GLG1: variants seen among roughly 807,000 people sequenced by gnomAD.
GLG1 encodes the protein golgi glycoprotein 1.
Under a neutral mutation model 160.5 loss-of-function variants are expected in GLG1, and 38 were observed. The observed-to-expected ratio is 0.24, with a 90% CI of 0.18 to 0.31. The LOEUF (loss-of-function observed/expected upper bound fraction) is 0.31, where lower values mean the gene tolerates loss of function less well. GLG1 is among the 10% of genes least tolerant of loss of function. The pLI is 1.00. For synonymous variants in GLG1, 644 were observed against 543.4 expected, an observed-to-expected ratio of 1.19 and a Z score of -2.57; for missense variants, 1,373 against 1,505.2, an observed-to-expected ratio of 0.91 and a Z score of 1.45.
intron 1 of GLG1, among the ~76,000 whole-genome samples, chr16:74,535,956 T>G (rs2017676005): frequency 6.6e-6 from 1 of 152,112 alleles, no homozygotes; most frequent in Non-Finnish European, 1.5e-5. Flanking sequence ...GAACGAAATA[T>G]AAAATACAAA....
At chr16:74,516,840 A>C (rs2016994856) in intron 2 of GLG1, among the ~76,000 whole-genome samples, 1 of 152,224 alleles carries the variant, frequency 6.6e-6, no homozygotes, top group South Asian at 2.1e-4. Context: ...ACAAGAATCA[A>C]ATAGACACAA....
intron 9 of GLG1, 67 bp from the exon 10 acceptor site, chr16:74,483,191 T>C: frequency 2.2e-6 from 2 of 908,398 alleles, no homozygotes; most frequent in Admixed American, 3.9e-5. Flanking sequence ...AATATAGTAT[T>C]TCCCTGGTCT....
intron 6 of GLG1, among the ~76,000 whole-genome samples, 160 bp from the exon 7 acceptor site, chr16:74,493,300 G>C (rs533985837): frequency 1.3e-5 from 2 of 152,290 alleles, no homozygotes; most frequent in Non-Finnish European, 2.9e-5. Context: ...GTTCACAATT[G>C]AGCTAAACTA....
At chr16:74,509,180 T>C (rs1366771726) in intron 2 of GLG1, among the ~76,000 whole-genome samples, 1 of 146,802 alleles carries the variant, frequency 6.8e-6, no homozygotes, top group African/African-American at 2.5e-5. Context: ...TTTTTTTTTT[T>C]TTTTTTTTTG....
At chr16:74,597,363 T>G (rs8050615) in intron 1 of GLG1, among the ~76,000 whole-genome samples, 5 of 148,576 alleles carry the variant, frequency 3.4e-5, no homozygotes, top group South Asian at 2.1e-4. Flanking sequence ...CCAGGGAGGC[T>G]GAGGTTGCAG....
At chr16:74,523,983 T>C (rs964726945) in intron 2 of GLG1, among the ~76,000 whole-genome samples, 14 of 152,080 alleles carry the variant, frequency 9.2e-5, no homozygotes, top group Admixed American at 8.5e-4. Context: ...GAGGCTGAGG[T>C]GGGCACATCA....
At chr16:74,563,388 G>A (rs889600006) in intron 1 of GLG1, 1 of 152,192 alleles carries the variant, frequency 6.6e-6, no homozygotes, top group East Asian at 1.9e-4. Context: ...TTCATTGTTA[G>A]GTCACTTTTT....
At chr16:74,497,115 C>T (rs1013823235) in intron 4 of GLG1, among the ~76,000 whole-genome samples, 3 of 151,680 alleles carry the variant, frequency 2.0e-5, no homozygotes, top group East Asian at 1.9e-4. Context: ...CCCATCTGTA[C>T]TAAAAATACT....
At chr16:74,606,463 C>T (rs1043498365) in intron 1 of GLG1, among the ~76,000 whole-genome samples, 194 bp downstream of exon 1, 1 of 152,018 alleles carries the variant, frequency 6.6e-6, no homozygotes, top group South Asian at 2.1e-4. Context: ...GAAATAAGGG[C>T]GGGGGAAAGA....
intron 1 of GLG1, among the ~76,000 whole-genome samples, chr16:74,600,911 CACA>C (rs1219836576): frequency 1.3e-5 from 2 of 152,080 alleles, no homozygotes; most frequent in African/African-American, 4.8e-5. Flanking sequence ...GCTTCTCGAT[CACA>C]ACAATCTCAC....
chr16:74,491,359 G>T, intron 7 of GLG1, 144 bp from the exon 8 acceptor site: 1 of 662,492 alleles, frequency 1.5e-6, no homozygotes, highest in Non-Finnish European at 2.6e-6. Context: ...TTTAGAATTA[G>T]CAAAAGCTTT....
intron 1 of GLG1, among the ~76,000 whole-genome samples, chr16:74,536,995 C>G (rs2017704426): frequency 1.3e-5 from 2 of 152,128 alleles, no homozygotes; most frequent in Admixed American, 6.5e-5. Flanking sequence ...GGATCTCTTA[C>G]ATCAAGTATT....
At chr16:74,547,169 TAGAGGTAGTGCCTC>T (rs1240241652) in intron 1 of GLG1, among the ~76,000 whole-genome samples, 1 of 151,688 alleles carries the variant, frequency 6.6e-6, no homozygotes. Flanking sequence ...AAGGGGGATG[TAGAGGTAGTGCCTC>T]AATTAAACAA....
intron 23 of GLG1, among the ~76,000 whole-genome samples, 166 bp downstream of exon 23, chr16:74,459,515 CA>C (rs1451787224): frequency 2.0e-5 from 3 of 151,250 alleles, no homozygotes; most frequent in Non-Finnish European, 4.4e-5. Context: ...GATGAGCAGT[CA>C]AAATCAAATG....
At chr16:74,510,031 C>CT (rs35929432) in intron 2 of GLG1, among the ~76,000 whole-genome samples, 3,412 of 134,590 alleles carry the variant, frequency 0.025, 62 homozygotes, top group African/African-American at 0.051. Context: ...ATAAGGTCTA[C>CT]TTTTTTTTTT....
chr16:74,595,289 G>A, intron 1 of GLG1, among the ~76,000 whole-genome samples: 4 of 150,070 alleles, frequency 2.7e-5, no homozygotes, highest in South Asian at 2.1e-4. Flanking sequence ...TGTAATCCCA[G>A]CACTTTGGGA....
rs1043651773 is a variant in GLG1 at position 74,452,833 on chromosome 16, A to G, written c.*334T>C. 1.6e-5 allele frequency: 17 copies of G among 1,042,874 alleles called. No homozygotes were observed. The highest frequency in any genetic ancestry group is 2.0e-5 in the Non-Finnish European group (17 of 867,916). 64.6% of individuals were successfully genotyped at this position (1,042,874 alleles called of 1,614,324 possible). A position where few individuals can be genotyped will look rare whatever the true frequency, so the allele number is the denominator to read the frequency against. ...TTTTTTTTTTTGGTGGTTTTCTTAA[A>G]AAAGCCTTTGAGTTGCAGGTCAGGT... On this transcript the variant is annotated 3_prime_UTR_variant, in exon 26 of 26. Transcript: ENST00000422840.
chr16:74,489,762 C>T (rs2015917256), intron 8 of GLG1, among the ~76,000 whole-genome samples: 1 of 152,204 alleles, frequency 6.6e-6, no homozygotes, highest in Non-Finnish European at 1.5e-5. Flanking sequence ...CATAGACACG[C>T]ATGCGTGCGC....
chr16:74,533,016 A>G (rs2017587804), intron 1 of GLG1, among the ~76,000 whole-genome samples: 1 of 152,214 alleles, frequency 6.6e-6, no homozygotes, highest in Non-Finnish European at 1.5e-5. Context: ...AGATACACAT[A>G]CCAGAGATAA....
Sources: allele counts gnomAD v4.1 joint callset (sites outside exome capture counted in the v4.1 genomes callset), GRCh38; gene constraint gnomAD v4.1.1; transcripts MANE v1.5; gene names NCBI Gene and HGNC (gene_info 2026-07-23, HGNC 2026-07-21).